GNA13: variants seen among roughly 807,000 people sequenced by gnomAD.
GNA13 encodes guanine nucleotide-binding protein subunit alpha-13.
Under a neutral mutation model 33.5 loss-of-function variants are expected in GNA13, and 4 were observed. The observed-to-expected ratio is 0.12, with a 90% CI of 0.06 to 0.27. The LOEUF (loss-of-function observed/expected upper bound fraction) is 0.27. GNA13 is among the 10% of genes least tolerant of loss of function. The pLI, the probability that GNA13 is intolerant of heterozygous loss-of-function variation, is 1.00. For synonymous variants in GNA13, 176 were observed against 183.8 expected (o/e 0.96, Z 0.34); for missense variants, 319 against 487.2 (o/e 0.65, Z 3.25).
In GNA13 at chr17:65,014,014, A is replaced by G; in HGVS notation, c.*243T>C. 1 of 470,154 alleles carries G rather than the reference A, an allele frequency of 2.1e-6. No homozygotes were observed. Among genetic ancestry groups the G allele is most frequent in the East Asian group, 3.3e-5 (1 of 30,420 alleles). 29.1% of individuals were successfully genotyped at this position (470,154 alleles called of 1,614,324 possible). On this transcript the variant is annotated 3_prime_UTR_variant, in exon 4 of 4. Coordinates refer to ENST00000439174, the MANE Select transcript of GNA13 (RefSeq NM_006572.6). The surrounding 1 kb of genome is among the most constrained non-coding windows in gnomAD (Gnocchi z 5.3). Reference sequence around the variant, plus strand: ...AGGTCAGCTGGGAGGTTTTAACTGGACTTGAATAGAAGCCATGGTGAAACA... The same window carrying G: ...AGGTCAGCTGGGAGGTTTTAACTGGGCTTGAATAGAAGCCATGGTGAAACA...
intron 1 of GNA13, chr17:65,055,660 TCTC>T: frequency 1.0e-6 from 1 of 985,238 alleles, no homozygotes; most frequent in Non-Finnish European, 1.2e-6. Flanking sequence ...GGGTCCACTC[TCTC>T]CTGATTCCAG....
At position 65,032,953 on chromosome 17, in the gene GNA13, A is replaced by G. The variant is rs530724891; in HGVS notation, c.511-14650T>C. Among the ~76,000 whole-genome samples, 416 of 152,222 alleles carry G rather than the reference A, an allele frequency of 2.7e-3. 1 individual carries two copies. Among genetic ancestry groups the G allele is most frequent in the Non-Finnish European group, 4.1e-3 (279 of 68,000 alleles). Reference sequence around the variant, plus strand: ...TGGTGAAACCCCGTCTCTACTCAAAATGCAAAAATTAGCCGGGCGTGGTGG... The same window carrying G: ...TGGTGAAACCCCGTCTCTACTCAAAGTGCAAAAATTAGCCGGGCGTGGTGG... On this transcript the variant is annotated intron_variant, in intron 2 of 3. Coordinates refer to ENST00000439174, the MANE Select transcript of GNA13 (RefSeq NM_006572.6).
In GNA13 at chr17:65,012,135, T is replaced by G. The variant is rs1906210421; in HGVS notation, c.*2122A>C. On this transcript the variant is annotated 3_prime_UTR_variant, in exon 4 of 4. Coordinates refer to ENST00000439174, the MANE Select transcript of GNA13 (RefSeq NM_006572.6). The stretch of plus-strand genomic sequence containing the variant: ...TTGGTGTTTCAACACTTCTTGGTGG[T>G]AATTCAAAAGGGGGAAACTTGGTGA... 4.4e-6 allele frequency: 1 copy of G among 224,802 alleles called. No homozygotes were observed. Among genetic ancestry groups the G allele is most frequent in the Admixed American group, 5.7e-5 (1 of 17,506 alleles). The allele number at this position is 224,802 out of a possible 1,614,324, so 13.9% of individuals were successfully genotyped here.
intron 3 of GNA13, among the ~76,000 whole-genome samples, 133 bp downstream of exon 3, chr17:65,018,092 TAAAAAAAAAAAAAAAAAAAAAAAAAAAA>T (rs767082596): frequency 9.3e-4 from 20 of 21,510 alleles, no homozygotes; most frequent in African/African-American, 1.9e-3. Flanking sequence ...ACGCCACCAC[TAAAAAAAAAAAAAAAAAAAAAAAAAAAA>T]AAAAAAAAAA....
chr17:65,017,182 G>A (rs1906399789), intron 3 of GNA13, among the ~76,000 whole-genome samples: 1 of 152,134 alleles, frequency 6.6e-6, no homozygotes, highest in Non-Finnish European at 1.5e-5. Flanking sequence ...ATACACCTAT[G>A]CCAGCTCCTT....
chr17:65,014,720 C>T lies in GNA13; in HGVS notation c.671G>A (p.Gly224Asp). 1 of 1,613,798 alleles carries T rather than the reference C, an allele frequency of 6.2e-7. No individual in the cohort carries two copies. The highest frequency in any genetic ancestry group is 8.5e-7 in the Non-Finnish European group (1 of 1,179,730). Residue 224 changes from glycine to aspartate, a missense_variant, in exon 4 of 4, where the codon GGT becomes GAT. Coordinates refer to ENST00000439174, the MANE Select transcript of GNA13 (RefSeq NM_006572.6). The surrounding 1 kb of genome is among the most constrained non-coding windows in gnomAD (Gnocchi z 5.3). ...ACGTTTCCTTTCTGATCTCTGACCACCTACATCAACCATTTTGAAAGGAAC... is the reference window on the plus strand; with the variant it reads ...ACGTTTCCTTTCTGATCTCTGACCATCTACATCAACCATTTTGAAAGGAAC... ...KNVPFKMVDV[G>D]GQRSERKRWF...
Position 65,014,066 on chromosome 17 carries a change from T to C in GNA13, c.*191A>G, listed in dbSNP as rs1156733448. On this transcript the variant is annotated 3_prime_UTR_variant, in exon 4 of 4. Coordinates refer to ENST00000439174, the MANE Select transcript of GNA13 (RefSeq NM_006572.6). This position sits in a 1 kb window ranked among gnomAD's most constrained non-coding sequence, Gnocchi z 5.3. ...ATCAAAGCCTGCATTACAGCAAATC[T>C]TGGCGATGAGTCACTCAACAGCTTT... The C allele has an allele frequency of 1.8e-6, 1 of 559,002 alleles. No individual in the cohort carries two copies. Among genetic ancestry groups the C allele is most frequent in the Non-Finnish European group, 3.2e-6 (1 of 315,156 alleles). The allele number at this position is 559,002 out of a possible 1,614,324, so 34.6% of individuals were successfully genotyped here. A position where few individuals can be genotyped will look rare whatever the true frequency, so the allele number is the denominator to read the frequency against.
chr17:65,045,522 A>AAC (rs1555603406), intron 2 of GNA13, among the ~76,000 whole-genome samples: 43 of 151,314 alleles, frequency 2.8e-4, no homozygotes, highest in Non-Finnish European at 5.0e-4. Flanking sequence ...AAAAAAAAAA[A>AAC]AAAAAACCAA....
chr17:65,035,759 G>A lies in GNA13; in HGVS notation c.511-17456C>T, dbSNP rs563585958. The stretch of plus-strand genomic sequence containing the variant: ...TATCAAGAAATATTTAGCTTTGTCA[G>A]AACTAGAACCCTTCGTTGTTAATTT... On this transcript the variant is annotated intron_variant, in intron 2 of 3. Coordinates refer to ENST00000439174, the MANE Select transcript of GNA13 (RefSeq NM_006572.6). Among the ~76,000 whole-genome samples the A allele has an allele frequency of 6.1e-4, 91 of 150,358 alleles. 1 individual carries two copies. Among genetic ancestry groups the A allele is most frequent in the Non-Finnish European group, 8.4e-4 (57 of 67,766 alleles).
At chr17:65,015,293 C>A (rs1324843214) in intron 3 of GNA13, among the ~76,000 whole-genome samples, 1 of 152,178 alleles carries the variant, frequency 6.6e-6, no homozygotes, top group Non-Finnish European at 1.5e-5. Flanking sequence ...CCACTATCAG[C>A]CACTCTTGGT....
chr17:65,032,499 T>C (rs1487440690), intron 2 of GNA13, among the ~76,000 whole-genome samples: 1 of 152,210 alleles, frequency 6.6e-6, no homozygotes, highest in Non-Finnish European at 1.5e-5. Context: ...GGAACCATCC[T>C]ATTTCAAACA....
intron 2 of GNA13, among the ~76,000 whole-genome samples, chr17:65,031,343 C>T (rs1218463267): frequency 6.6e-6 from 1 of 152,208 alleles, no homozygotes; most frequent in African/African-American, 2.4e-5. Flanking sequence ...TACAGGGCCG[C>T]CATTTTATAT....
chr17:65,030,186 A>T (rs1338098287), intron 2 of GNA13, among the ~76,000 whole-genome samples: 1 of 152,230 alleles, frequency 6.6e-6, no homozygotes, highest in Non-Finnish European at 1.5e-5. Context: ...TAGAATTTGG[A>T]AGGAGCAAAG....
intron 2 of GNA13, among the ~76,000 whole-genome samples, chr17:65,030,297 T>G (rs1207763048): frequency 6.6e-6 from 1 of 152,208 alleles, no homozygotes; most frequent in Non-Finnish European, 1.5e-5. Flanking sequence ...TTCAAAGTAA[T>G]GACCAAGCAG....
intron 2 of GNA13, among the ~76,000 whole-genome samples, chr17:65,033,515 A>T (rs1403178522): frequency 6.6e-6 from 1 of 152,026 alleles, no homozygotes; most frequent in African/African-American, 2.4e-5. Context: ...AAAAAAAATT[A>T]AAAAAATTAC....
At chr17:65,054,992 A>T (rs1907989373) in intron 1 of GNA13, among the ~76,000 whole-genome samples, 1 of 136,076 alleles carries the variant, frequency 7.3e-6, no homozygotes, top group Non-Finnish European at 1.5e-5. Context: ...CTAATTCATT[A>T]CTCCATAATG....
At chr17:65,027,454 C>T (rs910037944) in intron 2 of GNA13, among the ~76,000 whole-genome samples, 1 of 151,982 alleles carries the variant, frequency 6.6e-6, no homozygotes, top group Non-Finnish European at 1.5e-5. Context: ...CCACTGGGGG[C>T]CCTTTAAAAA....
intron 2 of GNA13, among the ~76,000 whole-genome samples, chr17:65,047,339 T>TGATC (rs1567827260): frequency 6.6e-6 from 1 of 152,106 alleles, no homozygotes; most frequent in African/African-American, 2.4e-5. Flanking sequence ...CAGTGAACTA[T>TGATC]GATCACACCA....
rs1311109005 is a variant in GNA13 at position 65,009,316 on chromosome 17, TGTCA to T, written c.*4937_*4940del. ...GAATTGTTTACAAATGTTTATTAAA[TGTCA>T]GTAATTTTTACAAAGCAAATATTAA... On this transcript the variant is annotated 3_prime_UTR_variant, in exon 4 of 4. Coordinates refer to ENST00000439174, the MANE Select transcript of GNA13 (RefSeq NM_006572.6). 5.9e-5 allele frequency among the ~76,000 whole-genome samples: 9 copies of T among 152,228 alleles called. No individual in the cohort carries two copies. Among genetic ancestry groups the T allele is most frequent in the East Asian group, 1.9e-4 (1 of 5,206 alleles).
Sources: gnomAD v4.1 joint callset for allele counts (sites outside exome capture counted in the v4.1 genomes callset) on GRCh38, gnomAD v4.1.1 for gene constraint, Gnocchi (gnomAD v3.1) non-coding constraint, MANE v1.5 for transcripts, NCBI Gene and HGNC (gene_info 2026-07-23, HGNC 2026-07-21) for gene names.